Variants in CRISP2 observed in about 807,000 individuals in gnomAD.
The protein encoded by CRISP2 is cysteine-rich secretory protein 2.
Under a neutral mutation model 31.7 loss-of-function variants are expected in CRISP2, and 29 were observed. That is an observed-to-expected ratio of 0.92 (90% confidence interval 0.68 to 1.25). The LOEUF (loss-of-function observed/expected upper bound fraction) is 1.25. Among genes scored for constraint, CRISP2 ranks in the 50% most tolerant of loss-of-function variants. CRISP2 has a pLI of 0.00. For synonymous variants in CRISP2, 111 were observed against 101.4 expected, an observed-to-expected ratio of 1.09 and a Z score of -0.57; for missense variants, 318 against 286.5, an observed-to-expected ratio of 1.11 and a Z score of -0.79.
At chr6:49,701,642 A>G (rs1765797281) in intron 4 of CRISP2, among the ~76,000 whole-genome samples, 1 of 125,780 alleles carries the variant, frequency 8.0e-6, no homozygotes, top group African/African-American at 3.1e-5. Context: ...TGTATACATT[A>G]TATATGTATA....
chr6:49,698,398 T>C lies in CRISP2; in HGVS notation c.381A>G (p.Pro127=). 1 of 1,613,388 alleles carries C rather than the reference T, an allele frequency of 6.2e-7. No homozygotes were observed. Among genetic ancestry groups the C allele is most frequent in the Non-Finnish European group, 8.5e-7 (1 of 1,179,626 alleles). Residue 127 remains proline (P), a synonymous_variant, in exon 7 of 10, where the codon CCA becomes CCG. Transcript: ENST00000339139. ...GTCCAACAACTGCATTGGGACTCTT[T>C]GGTCCTACACCATAGACAAAATCTA... ...EILDFVYGVG[P]KSPNAVVGHY... is the part of the protein sequence containing the mutation.
chr6:49,686,771 T>C, the CRISP2 span, among the ~76,000 whole-genome samples: 146,387 of 152,304 alleles, frequency 0.96, 70,391 homozygotes, highest in East Asian at 1. Flanking sequence ...TATTGCGGCA[T>C]TATTCACAAT....
intron 8 of CRISP2, among the ~76,000 whole-genome samples, chr6:49,696,177 G>C (rs1416122103): frequency 6.6e-6 from 1 of 152,046 alleles, no homozygotes; most frequent in Admixed American, 6.6e-5. Context: ...CTGAAATTTT[G>C]AGAGTATATT....
chr6:49,694,918 G>A (rs554157838), intron 9 of CRISP2, among the ~76,000 whole-genome samples: 7 of 151,766 alleles, frequency 4.6e-5, no homozygotes, highest in African/African-American at 7.3e-5. Flanking sequence ...ATTTTTAGTA[G>A]AGATGCAGTT....
At chr6:49,688,113 G>A (rs576305172), downstream of CRISP2, among the ~76,000 whole-genome samples, 3 of 152,226 alleles carry the variant, frequency 2.0e-5, no homozygotes, top group African/African-American at 7.2e-5. Flanking sequence ...ATCTCTGGGA[G>A]GTCAACCTGC....
the CRISP2 span, among the ~76,000 whole-genome samples, chr6:49,677,613 C>T: frequency 3.9e-5 from 6 of 152,132 alleles, no homozygotes; most frequent in South Asian, 1.2e-3. Flanking sequence ...GTCCATCTCA[C>T]AAAATACAGT....
At chr6:49,704,160 T>G (rs1561882900) in intron 4 of CRISP2, among the ~76,000 whole-genome samples, 1 of 152,172 alleles carries the variant, frequency 6.6e-6, no homozygotes, top group South Asian at 2.1e-4. Context: ...AACTTTCCAG[T>G]ATTTTTTGCA....
rs1056702712 is a variant in CRISP2, at chr6:49,713,475, A to G, written c.-151T>C. On this transcript the variant is annotated splice_region_variant and 5_prime_UTR_variant, in exon 1 of 10. The change abolishes an upstream ATG in the 5' untranslated region. Transcript: ENST00000339139. ...TTCTAGTCTCCAATCCGGGTCTTAC[A>G]TTTACCCTGGCTCCAGAGCACAGAC... 5 of 152,160 alleles carry G rather than the reference A, an allele frequency of 3.3e-5. No homozygotes were observed. The highest frequency in any genetic ancestry group is 1.2e-4 in the African/African-American group (5 of 41,384). The allele number at this position is 152,160 out of a possible 1,614,324, so 9.4% of individuals were successfully genotyped here.
At chr6:49,706,595 G>T (rs1767074910) in intron 4 of CRISP2, among the ~76,000 whole-genome samples, 3 of 152,114 alleles carry the variant, frequency 2.0e-5, no homozygotes, top group Admixed American at 6.5e-5. Flanking sequence ...CCTGGGTAAA[G>T]GTCCAAGCAT....
chr6:49,693,572 T>A (rs1764253868), intron 9 of CRISP2, among the ~76,000 whole-genome samples: 1 of 152,178 alleles, frequency 6.6e-6, no homozygotes, highest in African/African-American at 2.4e-5. Context: ...ACTCCTTGTA[T>A]TAGCTAAAAG....
the CRISP2 span, among the ~76,000 whole-genome samples, chr6:49,680,186 G>T: frequency 1.3e-5 from 2 of 151,988 alleles, no homozygotes; most frequent in Non-Finnish European, 2.9e-5. Flanking sequence ...AGTGTGTGTT[G>T]TTCCCCTGTA....
At chr6:49,704,667 G>A (rs1766703913) in intron 4 of CRISP2, among the ~76,000 whole-genome samples, 1 of 152,142 alleles carries the variant, frequency 6.6e-6, no homozygotes, top group Non-Finnish European at 1.5e-5. Context: ...TGGTACTGGA[G>A]AATGCCTGCA....
At chr6:49,713,694 C>G (rs529073522), upstream of CRISP2, 1 of 152,276 alleles carries the variant, frequency 6.6e-6, no homozygotes, top group African/African-American at 2.4e-5. Context: ...AAATCTTGCA[C>G]GTTTTCCCTT....
At chr6:49,693,784 T>C (rs1339859425) in intron 9 of CRISP2, among the ~76,000 whole-genome samples, 1 of 152,216 alleles carries the variant, frequency 6.6e-6, no homozygotes, top group Non-Finnish European at 1.5e-5. Context: ...ATTTCTGTTT[T>C]TCTAAATGTC....
downstream of CRISP2, among the ~76,000 whole-genome samples, chr6:49,689,051 T>C (rs1763971492): frequency 6.6e-6 from 1 of 152,108 alleles, no homozygotes; most frequent in African/African-American, 2.4e-5. Context: ...TTTGTAGTTT[T>C]GGTAGAGATG....
intron 6 of CRISP2, among the ~76,000 whole-genome samples, chr6:49,698,745 C>T (rs549560125): frequency 2.2e-4 from 34 of 152,242 alleles, no homozygotes; most frequent in Middle Eastern, 6.8e-3. Flanking sequence ...TAACACTCTG[C>T]TCCTTAAAAA....
the CRISP2 span, among the ~76,000 whole-genome samples, chr6:49,684,219 C>T: frequency 3.1e-3 from 473 of 152,226 alleles, 1 homozygote; most frequent in African/African-American, 0.011. Context: ...AAGCTCAAGT[C>T]CTTTATATAA....
At chr6:49,682,202 G>T in the CRISP2 span, among the ~76,000 whole-genome samples, 1 of 152,026 alleles carries the variant, frequency 6.6e-6, no homozygotes, top group South Asian at 2.1e-4. Flanking sequence ...TTTAAATTCT[G>T]GGATTTAGCA....
chr6:49,700,306 T>G, intron 5 of CRISP2, among the ~76,000 whole-genome samples: 1 of 152,164 alleles, frequency 6.6e-6, no homozygotes, highest in Non-Finnish European at 1.5e-5. Flanking sequence ...TTTCAGGGAC[T>G]GTGCCCTGGG....
Sources: gnomAD v4.1 joint callset for allele counts (sites outside exome capture counted in the v4.1 genomes callset) on GRCh38, gnomAD v4.1.1 for gene constraint, MANE v1.5 for transcripts, NCBI Gene and HGNC (gene_info 2026-07-23, HGNC 2026-07-21) for gene names.